Variants in ENAH observed in about 807,000 individuals in gnomAD.
The protein encoded by ENAH is ENAH actin regulator.
A neutral mutation model predicts 78.7 loss-of-function variants in ENAH; 23 were observed. The ratio of observed to expected loss-of-function variants is 0.29; its 90% CI spans 0.21 to 0.41. The LOEUF (loss-of-function observed/expected upper bound fraction) is 0.41, where lower values mean the gene tolerates loss of function less well. Ranked by LOEUF, ENAH falls within the 10% of genes least tolerant of loss-of-function variation. The pLI is 1.00. For synonymous variants in ENAH, 226 were observed against 241.0 expected (o/e 0.94, Z 0.58); for missense variants, 544 against 691.0 (o/e 0.79, Z 2.39).
intron 1 of ENAH, among the ~76,000 whole-genome samples, chr1:225,607,533 AC>A (rs1245066903): frequency 8.8e-5 from 13 of 147,016 alleles, no homozygotes; most frequent in Admixed American, 1.4e-4. Flanking sequence ...AAAAAAAAAA[AC>A]ACCTGGTTGA....
At chr1:225,622,329 T>C (rs1657129463) in intron 1 of ENAH, among the ~76,000 whole-genome samples, 1 of 152,186 alleles carries the variant, frequency 6.6e-6, no homozygotes, top group Admixed American at 6.5e-5. Flanking sequence ...TGACTCAAGC[T>C]TATAATCCAG....
rs12759588 is a variant in ENAH, at chr1:225,608,221, A to G, written c.6-40807T>C. 6.9e-3 allele frequency among the ~76,000 whole-genome samples: 274 copies of G among 39,492 alleles called. 2 individuals are homozygous for G. The highest frequency in any genetic ancestry group is 0.022 in the African/African-American group (266 of 11,936). 25.9% of individuals were successfully genotyped at this position (39,492 alleles called of 152,430 possible). On this transcript the variant is annotated intron_variant, in intron 1 of 13. Coordinates refer to ENST00000366843, the MANE Select transcript of ENAH (RefSeq NM_018212.6). ...AAAGGAGTTGGAATATAAAAAACAG[A>G]AAAAAAAAAAAAAAAAAGACAAAAT...
chr1:225,594,551 C>T (rs1367172952), intron 1 of ENAH, among the ~76,000 whole-genome samples: 1 of 152,172 alleles, frequency 6.6e-6, no homozygotes, highest in Admixed American at 6.5e-5. Context: ...ACTCCTACCA[C>T]GGCATGATCC....
chr1:225,526,450 T>C (rs1309941276), intron 4 of ENAH, among the ~76,000 whole-genome samples: 2 of 152,066 alleles, frequency 1.3e-5, no homozygotes, highest in Non-Finnish European at 1.5e-5. Context: ...GCGATTCTTC[T>C]GCCTCAGCCT....
chr1:225,598,794 AAAG>A (rs1171508812), intron 1 of ENAH, among the ~76,000 whole-genome samples: 1 of 152,192 alleles, frequency 6.6e-6, no homozygotes, highest in African/African-American at 2.4e-5. Context: ...GCAGCTAACA[AAAG>A]AATAGAAATG....
intron 1 of ENAH, among the ~76,000 whole-genome samples, chr1:225,650,568 C>T (rs1289090138): frequency 2.0e-5 from 3 of 151,998 alleles, no homozygotes; most frequent in Non-Finnish European, 2.9e-5. Flanking sequence ...AACCCACTTT[C>T]GGCCAGGCAC....
chr1:225,569,870 G>C (rs1175851208), intron 1 of ENAH, among the ~76,000 whole-genome samples: 1 of 152,166 alleles, frequency 6.6e-6, no homozygotes, highest in East Asian at 1.9e-4. Flanking sequence ...GGCACACTGT[G>C]AAGGGATTAG....
chr1:225,645,895 A>G (rs1449516004), intron 1 of ENAH, among the ~76,000 whole-genome samples: 1 of 152,144 alleles, frequency 6.6e-6, no homozygotes. Flanking sequence ...ACACCATTCA[A>G]TCTCTACACT....
At chr1:225,620,585 C>T (rs1253260358) in intron 1 of ENAH, among the ~76,000 whole-genome samples, 1 of 152,108 alleles carries the variant, frequency 6.6e-6, no homozygotes, top group Non-Finnish European at 1.5e-5. Context: ...ACTTGGGATA[C>T]TTGATTCATT....
At chr1:225,605,556 T>C (rs1029085498) in intron 1 of ENAH, among the ~76,000 whole-genome samples, 3 of 152,172 alleles carry the variant, frequency 2.0e-5, no homozygotes, top group Admixed American at 6.5e-5. Context: ...ATACATTCCT[T>C]TCTGAAGTGT....
Position 225,514,719 on chromosome 1 carries a change from T to G in ENAH, c.1095A>C (p.Pro365=). The change falls in exon 7 of 14, where the codon CCA becomes CCC. Residue 365 remains proline, a synonymous_variant. Transcript: ENST00000366843. The part of the protein sequence containing the change: ...PLPNQVPPPP[P]PPPAPPLPAS... The stretch of plus-strand genomic sequence containing the variant: ...CAGGGAGGGGTGGGGCAGGAGGTGG[T>G]GGAGGAGGAGGGGGTACTTGATTAG... 7 of 1,008,232 alleles carry G rather than the reference T, an allele frequency of 6.9e-6. No individual in the cohort carries two copies. Among genetic ancestry groups the G allele is most frequent in the Non-Finnish European group, 8.1e-6 (6 of 740,160 alleles). The allele number at this position is 1,008,232 out of a possible 1,614,324, so 62.5% of individuals were successfully genotyped here.
At chr1:225,611,224 G>C (rs1014259522) in intron 1 of ENAH, among the ~76,000 whole-genome samples, 7 of 152,104 alleles carry the variant, frequency 4.6e-5, no homozygotes, top group Non-Finnish European at 8.8e-5. Context: ...AGCACTTTGG[G>C]AGCCAAAGGT....
intron 2 of ENAH, among the ~76,000 whole-genome samples, chr1:225,560,104 C>T (rs185882734): frequency 6.6e-6 from 1 of 152,298 alleles, no homozygotes; most frequent in African/African-American, 2.4e-5. Context: ...ACCAGGACAT[C>T]CCCATTGGGA....
chr1:225,639,768 A>G (rs1204208730), intron 1 of ENAH, among the ~76,000 whole-genome samples: 1 of 150,488 alleles, frequency 6.6e-6, no homozygotes, highest in Non-Finnish European at 1.5e-5. Flanking sequence ...TACTTCCTCC[A>G]AGAATTACTG....
intron 1 of ENAH, among the ~76,000 whole-genome samples, chr1:225,609,941 G>A (rs2096979215): frequency 6.6e-6 from 1 of 151,994 alleles, no homozygotes; most frequent in Non-Finnish European, 1.5e-5. Context: ...TGGGATTACA[G>A]GCATGAGCCA....
intron 1 of ENAH, among the ~76,000 whole-genome samples, chr1:225,632,669 T>C (rs1659307365): frequency 1.3e-5 from 2 of 152,244 alleles, no homozygotes; most frequent in South Asian, 4.1e-4. Flanking sequence ...CAGAAAAGCA[T>C]CTACATATAG....
chr1:225,504,934 C>A, intron 11 of ENAH: 1 of 1,388,348 alleles, frequency 7.2e-7, no homozygotes, highest in Non-Finnish European at 1.0e-6. Flanking sequence ...AAGCTCAGCC[C>A]TATCCTGAAC....
chr1:225,540,487 C>T (rs1035000080), intron 3 of ENAH, among the ~76,000 whole-genome samples: 1 of 151,938 alleles, frequency 6.6e-6, no homozygotes, highest in African/African-American at 2.4e-5. Context: ...TTTCTGATAA[C>T]TACAGTAACA....
intron 4 of ENAH, among the ~76,000 whole-genome samples, chr1:225,529,443 G>A (rs1306966518): frequency 6.6e-6 from 1 of 152,116 alleles, no homozygotes; most frequent in Non-Finnish European, 1.5e-5. Flanking sequence ...AGACTGATAA[G>A]TAATGGACGG....
Sources: gnomAD v4.1 joint callset for allele counts (sites outside exome capture counted in the v4.1 genomes callset) on GRCh38, gnomAD v4.1.1 for gene constraint, MANE v1.5 for transcripts, NCBI Gene and HGNC (gene_info 2026-07-23, HGNC 2026-07-21) for gene names.